The following ANK2 variants were observed in gnomAD, a reference collection of about 807,000 sequenced individuals.
ANK2 encodes ankyrin-2.
Under a neutral mutation model 360.5 loss-of-function variants are expected in ANK2, and 83 were observed. The observed-to-expected ratio is 0.23, with a 90% CI of 0.19 to 0.28. The LOEUF is 0.28. Ranked by LOEUF, ANK2 falls within the 10% of genes least tolerant of loss-of-function variation. ANK2 has a pLI of 1.00. For missense variants in ANK2, 4,201 were observed against 4,795.7 expected (o/e 0.88, Z 3.66); for synonymous variants, 1,740 against 1,759.5 (o/e 0.99, Z 0.28).
Position 113,144,808 on chromosome 4 carries a change from T to C in ANK2, c.85-29608T>C, listed in dbSNP as rs376257806. 4.5e-4 allele frequency among the ~76,000 whole-genome samples: 66 copies of C among 146,512 alleles called. No homozygotes were observed. The South Asian group carries it at 7.4e-3, about 16-fold the overall frequency. ...AAACTATATAATATATAAAAATTTA[T>C]ATATAAATATATAGTTATAAATATA... is the stretch of plus-strand genomic sequence containing the variant. On this transcript the variant is annotated intron_variant, in intron 1 of 45. Coordinates refer to ENST00000357077, the MANE Select transcript of ANK2 (RefSeq NM_001148.6).
At chr4:113,176,751 G>A (rs1185685116) in intron 2 of ANK2, among the ~76,000 whole-genome samples, 1 of 151,908 alleles carries the variant, frequency 6.6e-6, no homozygotes, top group Non-Finnish European at 1.5e-5. Context: ...ATTACATTAG[G>A]TGTATCTCCT....
intron 34 of ANK2, among the ~76,000 whole-genome samples, chr4:113,345,475 G>T (rs2094737163): frequency 6.6e-6 from 1 of 152,146 alleles, no homozygotes; most frequent in South Asian, 2.1e-4. Context: ...TAAAAGCTGA[G>T]TAAGTTCTGA....
At chr4:113,329,401 A>T (rs2091631506) in intron 26 of ANK2, among the ~76,000 whole-genome samples, 1 of 152,220 alleles carries the variant, frequency 6.6e-6, no homozygotes, top group Non-Finnish European at 1.5e-5. Context: ...AACCTAGAAG[A>T]AAAGGAGAAA....
chr4:112,899,097 C>G (rs897353099), intron 1 of ANK2, among the ~76,000 whole-genome samples: 14 of 152,158 alleles, frequency 9.2e-5, no homozygotes, highest in Non-Finnish European at 1.5e-4. Context: ...GGCTGTGAAG[C>G]CTTTCCTGTG....
At chr4:113,058,478 A>T (rs2071306041) in intron 1 of ANK2, among the ~76,000 whole-genome samples, 1 of 152,202 alleles carries the variant, frequency 6.6e-6, no homozygotes. Context: ...TAGTTTAAAA[A>T]AAATGAAAAC....
chr4:113,235,203 T>C (rs2099361990), intron 5 of ANK2, among the ~76,000 whole-genome samples: 1 of 152,230 alleles, frequency 6.6e-6, no homozygotes, highest in South Asian at 2.1e-4. Flanking sequence ...TAAATATGTA[T>C]GTGCTAATGA....
At position 113,365,147 on chromosome 4, in the gene ANK2, A is replaced by G. The variant is rs1301887987; in HGVS notation, c.10997A>G (p.Glu3666Gly). ...GAGCGCATCAGTCATAGTTATGCAG[A>G]AATTGAACAGACCATTACACTGGAT... Reference protein sequence around the residue: ...LQERISHSYAEIEQTITLDHS... With the variant: ...LQERISHSYAGIEQTITLDHS... The change falls in exon 41 of 46, where the codon GAA becomes GGA. Residue 3666 changes from glutamate to glycine, a missense_variant. Glu to Gly is a moderately conservative substitution (Grantham distance 98). Transcript: ENST00000357077. The G allele has an allele frequency of 4.3e-6, 7 of 1,613,944 alleles. No homozygotes were observed. Among genetic ancestry groups the G allele is most frequent in the Non-Finnish European group, 5.9e-6 (7 of 1,179,924 alleles).
intron 1 of ANK2, among the ~76,000 whole-genome samples, chr4:113,068,138 G>A (rs1402012574): frequency 6.6e-6 from 1 of 152,252 alleles, no homozygotes; most frequent in South Asian, 2.1e-4. Context: ...GAAAGATGTA[G>A]GTTGATAGCC....
At chr4:113,359,545 T>C (rs554419896) in intron 38 of ANK2, among the ~76,000 whole-genome samples, 8 of 152,274 alleles carry the variant, frequency 5.3e-5, no homozygotes, top group Admixed American at 2.6e-4. Flanking sequence ...CGGGCAACAG[T>C]GATCTTGCCT....
chr4:112,757,162 G>A, the ANK2 span, among the ~76,000 whole-genome samples: 15 of 148,750 alleles, frequency 1.0e-4, no homozygotes, highest in Non-Finnish European at 2.2e-4. Flanking sequence ...ACCCAGGCTG[G>A]AGTGCAATGG....
At chr4:113,162,044 A>G (rs2097556470) in intron 1 of ANK2, among the ~76,000 whole-genome samples, 1 of 152,184 alleles carries the variant, frequency 6.6e-6, no homozygotes, top group Non-Finnish European at 1.5e-5. Flanking sequence ...CAATCCGGTC[A>G]AAACCAAACT....
chr4:113,125,493 A>G (rs1191761403), intron 1 of ANK2, among the ~76,000 whole-genome samples: 1 of 152,202 alleles, frequency 6.6e-6, no homozygotes, highest in Non-Finnish European at 1.5e-5. Flanking sequence ...ATACAAAATT[A>G]CCAGATACTT....
intron 26 of ANK2, chr4:113,323,643 A>G: frequency 1.0e-6 from 1 of 979,426 alleles, no homozygotes; most frequent in South Asian, 2.7e-5. Context: ...TTGGATTTCC[A>G]TTTGTTTTCA....
At chr4:113,233,590 G>A (rs2099347721) in intron 5 of ANK2, among the ~76,000 whole-genome samples, 1 of 152,108 alleles carries the variant, frequency 6.6e-6, no homozygotes, top group Admixed American at 6.5e-5. Flanking sequence ...AAGTCTTGAG[G>A]ACATGAACTC....
At chr4:113,163,764 C>CAAAAAAAAAAAAAAAAAAAAAAAA (rs1158530849) in intron 1 of ANK2, among the ~76,000 whole-genome samples, 26 of 55,040 alleles carry the variant, frequency 4.7e-4, no homozygotes, top group African/African-American at 1.1e-3. Context: ...AACTTCGTCT[C>CAAAAAAAAAAAAAAAAAAAAAAAA]AAAAAAAAAA....
intron 2 of ANK2, among the ~76,000 whole-genome samples, chr4:112,983,930 G>T (rs2043988593): frequency 6.6e-6 from 1 of 152,088 alleles, no homozygotes; most frequent in Non-Finnish European, 1.5e-5. Context: ...TTTACTGTTA[G>T]ATGTATGAAT....
chr4:112,790,767 G>A, the ANK2 span, among the ~76,000 whole-genome samples: 4 of 152,240 alleles, frequency 2.6e-5, no homozygotes, highest in Admixed American at 2.0e-4. Context: ...GATTACAGGC[G>A]TGAGCCATCA....
chr4:113,163,764 C>CAAAAAAA (rs1158530849), intron 1 of ANK2, among the ~76,000 whole-genome samples: 62 of 55,028 alleles, frequency 1.1e-3, no homozygotes, highest in African/African-American at 2.4e-3. Flanking sequence ...AACTTCGTCT[C>CAAAAAAA]AAAAAAAAAA....
intron 1 of ANK2, among the ~76,000 whole-genome samples, chr4:112,854,218 G>T (rs576863422): frequency 6.6e-6 from 1 of 152,294 alleles, no homozygotes; most frequent in East Asian, 1.9e-4. Context: ...TTGGTAGGTG[G>T]TTACTAGGAA....
Sources: gnomAD v4.1 joint callset for allele counts (sites outside exome capture counted in the v4.1 genomes callset) on GRCh38, gnomAD v4.1.1 for gene constraint, MANE v1.5 for transcripts, NCBI Gene and HGNC (gene_info 2026-07-23, HGNC 2026-07-21) for gene names.